SBF1: variants seen among roughly 807,000 people sequenced by gnomAD.
SBF1 encodes SET binding factor 1.
SBF1 carries 65 observed loss-of-function variants against 215.8 expected under a neutral mutation model. That is an observed-to-expected ratio of 0.30 (90% CI 0.25 to 0.37). SBF1 has a LOEUF of 0.37. SBF1 is among the 10% of genes least tolerant of loss of function. The pLI is 1.00. For missense variants in SBF1, 2,634 were observed against 2,667.8 expected (o/e 0.99, Z 0.28); for synonymous variants, 1,410 against 1,122.8 (o/e 1.26, Z -5.11).
In SBF1 at chr22:50,466,494, A is replaced by G. The variant is rs1321572737; in HGVS notation, c.656-12T>C. 1.9e-6 allele frequency: 3 copies of G among 1,539,980 alleles called. No individual in the cohort carries two copies. The highest frequency in any genetic ancestry group is 2.6e-6 in the Non-Finnish European group (3 of 1,138,996). ...CACGTTGGTGATGCCTAAAGGAAGA[A>G]GAGAAGCTTGGAGAGGACCCTGGGC... On this transcript the variant is annotated splice_polypyrimidine_tract_variant and intron_variant, in intron 6 of 40. Transcript: ENST00000380817.
At chr22:50,471,489 C>A (rs1001457818) in intron 1 of SBF1, among the ~76,000 whole-genome samples, 7 of 152,226 alleles carry the variant, frequency 4.6e-5, no homozygotes, top group Non-Finnish European at 8.8e-5. Context: ...TTCCCCACCA[C>A]ACTCCCCACA....
In SBF1 at chr22:50,457,101, G is replaced by A. The variant is rs1603431521; in HGVS notation, c.3837C>T (p.Pro1279=). Residue 1279 remains proline (P), a synonymous_variant, in exon 29 of 41, where the codon CCC becomes CCT. Coordinates refer to ENST00000380817, the MANE Select transcript of SBF1 (RefSeq NM_002972.4). The part of the protein sequence containing the change: ...SAHMGSHVPS[P]RARVTTLSNP... ...TGGACAGCGTGGTGACCCTGGCTCTGGGGCTGGGAACTGAGGGCACAGCAG... is the reference window on the plus strand; with the variant it reads ...TGGACAGCGTGGTGACCCTGGCTCTAGGGCTGGGAACTGAGGGCACAGCAG... 1 of 1,489,094 alleles carries A rather than the reference G, an allele frequency of 6.7e-7. No individual in the cohort carries two copies. The highest frequency in any genetic ancestry group is 8.9e-7 in the Non-Finnish European group (1 of 1,128,812). The allele number at this position is 1,489,094 out of a possible 1,614,324, so 92.2% of individuals were successfully genotyped here. A position where few individuals can be genotyped will look rare whatever the true frequency, so the allele number is the denominator to read the frequency against.
chr22:50,464,499 G>T, intron 14 of SBF1, 35 bp downstream of exon 14: 1 of 1,601,338 alleles, frequency 6.2e-7, no homozygotes, highest in Non-Finnish European at 8.5e-7. Context: ...CCTGGGCCAC[G>T]CTCGGGGCCT....
In SBF1 at chr22:50,459,459, G is replaced by A. The variant is rs761737240; in HGVS notation, c.3688+11C>T. The A allele has an allele frequency of 9.9e-6, 16 of 1,611,112 alleles. No individual in the cohort carries two copies. In the East Asian group the frequency reaches 1.8e-4, roughly 18 times the overall value. On this transcript the variant is annotated intron_variant, in intron 27 of 40. Transcript: ENST00000380817. ...GGGCAGGGCAGGCACAGGGCAGGAC[G>A]CAGGAGGTACCTGGAGAAGGTGCGT...
At position 50,448,237 on chromosome 22, in the gene SBF1, TCTCA is replaced by T. The variant is rs1340659332; in HGVS notation, c.5355_5358del (p.Ser1785ArgfsTer16). The T allele has an allele frequency of 6.2e-7, 1 of 1,611,770 alleles. No homozygotes were observed. The highest frequency in any genetic ancestry group is 8.5e-7 in the Non-Finnish European group (1 of 1,179,858). ...CAGTGGGAGGTGCCCTCATACCTGTTCTCACTCTCTGCTGTCTGGAACTGGCTGT... is the reference window on the plus strand; with the variant it reads ...CAGTGGGAGGTGCCCTCATACCTGTTCTCTCTGCTGTCTGGAACTGGCTGT... On this transcript the variant is annotated frameshift_variant, in exon 38 of 41. Coordinates refer to ENST00000380817, the MANE Select transcript of SBF1 (RefSeq NM_002972.4). LOFTEE classifies it high-confidence loss of function.
At chr22:50,456,106 T>A in intron 31 of SBF1, 110 bp downstream of exon 31, 1 of 1,207,934 alleles carries the variant, frequency 8.3e-7, no homozygotes, top group Non-Finnish European at 1.1e-6. Flanking sequence ...CACCTCCTCC[T>A]TCCAGCGCTC....
intron 23 of SBF1, 151 bp downstream of exon 23, chr22:50,461,008 C>G (rs2067484733): frequency 9.1e-7 from 1 of 1,100,156 alleles, no homozygotes; most frequent in Non-Finnish European, 1.3e-6. Flanking sequence ...GACATCAACT[C>G]AAGAGCCACA....
chr22:50,461,106 A>C, intron 23 of SBF1, 53 bp downstream of exon 23: 1 of 1,539,878 alleles, frequency 6.5e-7, no homozygotes, highest in Non-Finnish European at 8.8e-7. Flanking sequence ...ACCGGTTTGC[A>C]GGAGAAAGAC....
chr22:50,465,062 G>C lies in SBF1; in HGVS notation c.1271C>G (p.Ala424Gly). ...DFLMKVLEGM[A>G]FAGFVSERGV... The stretch of plus-strand genomic sequence containing the variant: ...ACGCTCTGACACAAAGCCAGCAAAG[G>C]CCATGCCCTCCAGCACCTTCATCAG... The change falls in exon 12 of 41, where the codon GCC becomes GGC. Residue 424 changes from alanine (A) to glycine (G), a missense_variant. Coordinates refer to ENST00000380817, the MANE Select transcript of SBF1 (RefSeq NM_002972.4). The C allele has an allele frequency of 6.2e-7, 1 of 1,614,112 alleles. No homozygotes were observed. Among genetic ancestry groups the C allele is most frequent in the Non-Finnish European group, 8.5e-7 (1 of 1,180,012 alleles).
rs772866256 is a variant in SBF1 at position 50,467,562 on chromosome 22, C to A, written c.408G>T (p.Val136=). ...ACACCTCCGTGTGGTCGAGTCGCGACACCAGTACCAGCGTCTTCGGTGCAA... is the reference window on the plus strand; with the variant it reads ...ACACCTCCGTGTGGTCGAGTCGCGAAACCAGTACCAGCGTCTTCGGTGCAA... ...QLFAPKTLVL[V]SRLDHTEVFR... The change falls in exon 4 of 41, where the codon GTG becomes GTT. Residue 136 remains valine (V), a synonymous_variant. Coordinates refer to ENST00000380817, the MANE Select transcript of SBF1 (RefSeq NM_002972.4). The A allele has an allele frequency of 2.2e-5, 35 of 1,614,194 alleles. No homozygotes were observed. The East Asian group carries it at 7.6e-4, about 35-fold the overall frequency.
Position 50,446,831 on chromosome 22 carries a change from A to C in SBF1, c.*311T>G, listed in dbSNP as rs1603430112. On this transcript the variant is annotated 3_prime_UTR_variant, in exon 41 of 41. Coordinates refer to ENST00000380817, the MANE Select transcript of SBF1 (RefSeq NM_002972.4). The stretch of plus-strand genomic sequence containing the variant: ...TGGCGTTAGTTCTCTCTTTATATAG[A>C]CTCTGGTTCTAGAAACTCGCCTGCA... 1.4e-6 allele frequency: 1 copy of C among 707,798 alleles called. No homozygotes were observed. The highest frequency in any genetic ancestry group is 2.6e-6 in the Non-Finnish European group (1 of 382,130). The allele number at this position is 707,798 out of a possible 1,614,324, so 43.8% of individuals were successfully genotyped here. A position where few individuals can be genotyped will look rare whatever the true frequency, so the allele number is the denominator to read the frequency against.
intron 5 of SBF1, 54 bp from the exon 6 acceptor site, chr22:50,466,764 T>C: frequency 7.7e-7 from 1 of 1,294,632 alleles, no homozygotes; most frequent in Non-Finnish European, 1.1e-6. Context: ...CAGCCCAGAG[T>C]CAGCCCAGAG....
At chr22:50,447,287 C>CCCCT in intron 40 of SBF1, 35 bp downstream of exon 40, 3 of 1,613,246 alleles carry the variant, frequency 1.9e-6, no homozygotes, top group Non-Finnish European at 2.5e-6. Flanking sequence ...CACCGCAGAG[C>CCCCT]CCCTCCCCTC....
intron 1 of SBF1, 104 bp downstream of exon 1, chr22:50,474,682 G>A: frequency 1.4e-6 from 1 of 710,142 alleles, no homozygotes. Context: ...CCAGCCCCCA[G>A]CCCTCGGCCC....
chr22:50,474,508 G>A lies in SBF1; in HGVS notation c.55+278C>T, dbSNP rs984593062. On this transcript the variant is annotated intron_variant, in intron 1 of 40. Transcript: ENST00000380817. ...CCGCGCGGCCACGCCGCCCCCAGCG[G>A]ACGCCCATTCTCCCCACGGGCTGTC... Among the ~76,000 whole-genome samples, 13 of 152,290 alleles carry A rather than the reference G, an allele frequency of 8.5e-5. No homozygotes were observed. In the South Asian group the frequency reaches 2.7e-3, roughly 32 times the overall value.
At chr22:50,472,491 G>C (rs1163580867) in intron 1 of SBF1, among the ~76,000 whole-genome samples, 2 of 152,162 alleles carry the variant, frequency 1.3e-5, no homozygotes, top group Non-Finnish European at 2.9e-5. Flanking sequence ...TGCCTAGAGA[G>C]TTCACACACC....
rs2073278 is a variant in SBF1 at position 50,460,190 on chromosome 22, G to A, written c.3284-31C>T. The stretch of plus-strand genomic sequence containing the variant: ...CAGGCCGGGCACACGTGGTCATCAC[G>A]GGGCCACTCCGCCTGCCCTGATCCT... On this transcript the variant is annotated intron_variant, in intron 25 of 40. Coordinates refer to ENST00000380817, the MANE Select transcript of SBF1 (RefSeq NM_002972.4). The A allele has an allele frequency of 0.34, 541,990 of 1,606,182 alleles. 93,633 individuals carry two copies. The highest frequency in any genetic ancestry group is 0.51 in the East Asian group (22,641 of 44,784).
intron 38 of SBF1, among the ~76,000 whole-genome samples, 162 bp from the exon 39 acceptor site, chr22:50,447,771 A>G (rs2066891354): frequency 2.0e-5 from 3 of 152,220 alleles, no homozygotes; most frequent in Admixed American, 2.0e-4. Context: ...GGGGCCACAA[A>G]GAAGCCTTTG....
rs147869659 is a variant in SBF1, at chr22:50,454,590, C to G, written c.4965G>C (p.Gln1655His). Residue 1655 changes from glutamine to histidine, a missense_variant, in exon 36 of 41, where the codon CAG (glutamine) becomes CAC (histidine). Transcript: ENST00000380817. ...AGGGCCACACCACGCGGCGCCTGCT[C>G]TGGGGAGCGCCTCCATCAGACCGTT... Reference protein sequence around the residue: ...EEERSDGGAPQSRRRVVWPCY... With the variant: ...EEERSDGGAPHSRRRVVWPCY... 1,559 of 1,610,950 alleles carry G rather than the reference C, an allele frequency of 9.7e-4. 2 individuals are homozygous for G. The highest frequency in any genetic ancestry group is 1.6e-3 in the Admixed American group (97 of 59,762).
Sources: allele counts gnomAD v4.1 joint callset (sites outside exome capture counted in the v4.1 genomes callset), GRCh38; gene constraint gnomAD v4.1.1; transcripts MANE v1.5; gene names NCBI Gene and HGNC (gene_info 2026-07-23, HGNC 2026-07-21).